Variants in KIF9 observed in about 807,000 individuals in gnomAD.
The protein encoded by KIF9 is kinesin-like protein KIF9.
A neutral mutation model predicts 94.8 loss-of-function variants in KIF9; 68 were observed. The observed-to-expected ratio is 0.72, with a 90% CI of 0.59 to 0.88. KIF9 has a LOEUF of 0.88. Ranked by LOEUF, KIF9 falls within the 40% of genes least tolerant of loss-of-function variation. The probability of loss-of-function intolerance (pLI) is 0.00; values close to 1 mark genes in which losing one functional copy is unlikely to be tolerated. For missense variants in KIF9, 882 were observed against 982.5 expected, an observed-to-expected ratio of 0.90 and a Z score of 1.37; for synonymous variants, 343 against 362.1, an observed-to-expected ratio of 0.95 and a Z score of 0.60.
chr3:47,278,634 G>A (rs1238367676), intron 1 of KIF9, among the ~76,000 whole-genome samples: 1 of 152,134 alleles, frequency 6.6e-6, no homozygotes, highest in African/African-American at 2.4e-5. Context: ...TTTGAAACCA[G>A]CCTGGGCAAC....
chr3:47,264,244 A>C, intron 9 of KIF9, 42 bp downstream of exon 9: 1 of 1,497,996 alleles, frequency 6.7e-7, no homozygotes, highest in African/African-American at 1.4e-5. Context: ...GGCACCCATG[A>C]AGGGGGATTC....
chr3:47,245,003 C>T, intron 14 of KIF9, 79 bp from the exon 15 acceptor site: 1 of 1,567,862 alleles, frequency 6.4e-7, no homozygotes. Context: ...GTATATGGCC[C>T]AAGGCTCAGG....
intron 20 of KIF9, among the ~76,000 whole-genome samples, chr3:47,233,580 C>A (rs1222930313): frequency 6.6e-6 from 1 of 151,168 alleles, no homozygotes; most frequent in Admixed American, 6.6e-5. Context: ...CCTATAGTCC[C>A]AGCTACTCGG....
chr3:47,228,824 A>T, intron 20 of KIF9, 122 bp from the exon 21 acceptor site: 2 of 789,722 alleles, frequency 2.5e-6, no homozygotes, highest in Non-Finnish European at 2.2e-6. Context: ...GTTGTGGACA[A>T]GGATTCCTTC....
At chr3:47,237,194 A>G (rs1030075735) in intron 17 of KIF9, among the ~76,000 whole-genome samples, 2 of 152,176 alleles carry the variant, frequency 1.3e-5, no homozygotes, top group South Asian at 2.1e-4. Context: ...CCCGAGTTCA[A>G]GCGATTCTCC....
rs943854259 is a variant in KIF9, at chr3:47,277,098, G to A, written c.93+184C>T. 5.0e-4 allele frequency: 206 copies of A among 412,404 alleles called. 1 individual carries two copies. In the East Asian group the frequency reaches 7.4e-3, roughly 15 times the overall value. The allele number at this position is 412,404 out of a possible 1,614,324, so 25.5% of individuals were successfully genotyped here. A position where few individuals can be genotyped will look rare whatever the true frequency, so the allele number is the denominator to read the frequency against. On this transcript the variant is annotated intron_variant, in intron 2 of 20. Coordinates refer to ENST00000684063, the MANE Select transcript of KIF9 (RefSeq NM_182902.4). ...ATTATTAAAAGACAATTAACGATGG[G>A]ATTTTATTAATTTCTTCATTAGCAG... is the stretch of plus-strand genomic sequence containing the variant.
At chr3:47,272,738 T>G (rs1701725464) in intron 4 of KIF9, among the ~76,000 whole-genome samples, 1 of 152,240 alleles carries the variant, frequency 6.6e-6, no homozygotes, top group African/African-American at 2.4e-5. Context: ...CAAATTTGCA[T>G]GTGACTTACA....
At chr3:47,229,433 A>G (rs1228990183) in intron 20 of KIF9, among the ~76,000 whole-genome samples, 2 of 152,220 alleles carry the variant, frequency 1.3e-5, no homozygotes, top group African/African-American at 4.8e-5. Context: ...ATACACACAC[A>G]AACACACACA....
intron 17 of KIF9, among the ~76,000 whole-genome samples, chr3:47,239,094 G>A (rs565982113): frequency 2.6e-5 from 4 of 152,304 alleles, no homozygotes; most frequent in Admixed American, 2.6e-4. Context: ...CAGCTACTTG[G>A]GAGGCTGAGG....
At chr3:47,245,281 C>T (rs781332615) in intron 14 of KIF9, 140 bp downstream of exon 14, 1 of 734,644 alleles carries the variant, frequency 1.4e-6, no homozygotes, top group Non-Finnish European at 2.5e-6. Flanking sequence ...TAACACAGGT[C>T]ACCTGTGTTC....
chr3:47,259,258 A>G (rs1026267806), intron 9 of KIF9, among the ~76,000 whole-genome samples: 1 of 152,178 alleles, frequency 6.6e-6, no homozygotes, highest in African/African-American at 2.4e-5. Context: ...GAGTCTCCAC[A>G]GGTTTGGGCT....
At chr3:47,241,731 ATATG>A (rs1305082581) in intron 16 of KIF9, among the ~76,000 whole-genome samples, 1 of 148,482 alleles carries the variant, frequency 6.7e-6, no homozygotes, top group Non-Finnish European at 1.5e-5. Context: ...AACATTTTAT[ATATG>A]TGTGTGTATA....
At chr3:47,240,215 G>A (rs1699363702) in intron 17 of KIF9, 2 of 232,622 alleles carry the variant, frequency 8.6e-6, no homozygotes, top group South Asian at 1.2e-4. Context: ...TCCCCACGTT[G>A]GGGTTCTTTG....
At chr3:47,269,810 T>C (rs1701526052) in intron 5 of KIF9, among the ~76,000 whole-genome samples, 3 of 112,758 alleles carry the variant, frequency 2.7e-5, no homozygotes, top group African/African-American at 7.3e-5. Flanking sequence ...GGAGTCTCCC[T>C]CTGTCGCCAG....
intron 10 of KIF9, among the ~76,000 whole-genome samples, chr3:47,254,782 C>T (rs1700469482): frequency 1.3e-5 from 2 of 151,542 alleles, no homozygotes; most frequent in East Asian, 1.9e-4. Context: ...CATAAAAGGG[C>T]CTAAAGAACT....
At chr3:47,267,810 T>C (rs2107456957) in intron 5 of KIF9, among the ~76,000 whole-genome samples, 1 of 152,000 alleles carries the variant, frequency 6.6e-6, no homozygotes, top group East Asian at 1.9e-4. Flanking sequence ...TGTGGGTTTT[T>C]TTTAGTGAGC....
At chr3:47,256,585 G>A (rs1445494097) in intron 10 of KIF9, among the ~76,000 whole-genome samples, 7 of 150,550 alleles carry the variant, frequency 4.6e-5, no homozygotes, top group Non-Finnish European at 4.4e-5. Flanking sequence ...CTGCCCGGCC[G>A]CCCCTGCTGG....
intron 15 of KIF9, 36 bp downstream of exon 15, chr3:47,244,755 C>T (rs1347438253): frequency 1.2e-6 from 2 of 1,611,002 alleles, no homozygotes; most frequent in East Asian, 2.2e-5. Flanking sequence ...CGAGGAGGGC[C>T]AGCTGCTGAG....
rs766336874 is a variant in KIF9, at chr3:47,236,049, G to A, written c.2202C>T (p.Asn734=). Residue 734 remains asparagine, a synonymous_variant, in exon 19 of 21, where the codon AAC becomes AAT. Transcript: ENST00000684063. ...GSIRPGMVPV[N]RIVSLGEDDQ... ...TGCCGCTCACCAGAGACACAATCCT[G>A]TTCACAGGGACCATGCCTGGCCGGA... 5 of 1,613,710 alleles carry A rather than the reference G, an allele frequency of 3.1e-6. No homozygotes were observed. The highest frequency in any genetic ancestry group is 4.5e-5 in the East Asian group (2 of 44,882).
Sources: allele counts gnomAD v4.1 joint callset (sites outside exome capture counted in the v4.1 genomes callset), GRCh38; gene constraint gnomAD v4.1.1; transcripts MANE v1.5; gene names NCBI Gene and HGNC (gene_info 2026-07-23, HGNC 2026-07-21).